SRGAP1: variants seen among roughly 807,000 people sequenced by gnomAD.
The protein encoded by SRGAP1 is SLIT-ROBO Rho GTPase activating protein 1.
Under a neutral mutation model 121.9 loss-of-function variants are expected in SRGAP1, and 43 were observed. That is an observed-to-expected ratio of 0.35 (90% CI 0.28 to 0.46). The LOEUF is 0.46. Among genes scored for constraint, SRGAP1 ranks in the 20% least tolerant of loss-of-function variants. The pLI, the probability that SRGAP1 is intolerant of heterozygous loss-of-function variation, is 1.00. For synonymous variants in SRGAP1, 447 were observed against 485.4 expected (o/e 0.92, Z 1.04); for missense variants, 1,102 against 1,350.9 (o/e 0.82, Z 2.89).
At chr12:64,058,343 A>T (rs2035382421) in intron 6 of SRGAP1, among the ~76,000 whole-genome samples, 1 of 152,306 alleles carries the variant, frequency 6.6e-6, no homozygotes, top group South Asian at 2.1e-4. Flanking sequence ...CCACTTAACA[A>T]CAGGTTTATT....
intron 4 of SRGAP1, among the ~76,000 whole-genome samples, chr12:64,039,409 T>G (rs943952301): frequency 6.6e-6 from 1 of 152,200 alleles, no homozygotes; most frequent in Non-Finnish European, 1.5e-5. Flanking sequence ...ATCCTTTCTC[T>G]CAGGCTTAGT....
chr12:63,984,178 T>TGAATTA, intron 2 of SRGAP1, 36 bp downstream of exon 2: 1 of 1,248,072 alleles, frequency 8.0e-7, no homozygotes, highest in Non-Finnish European at 1.1e-6. Context: ...TTTCCAAGGG[T>TGAATTA]GATATCCATA....
intron 1 of SRGAP1, among the ~76,000 whole-genome samples, chr12:63,874,789 G>C (rs1899975869): frequency 6.6e-6 from 1 of 151,990 alleles, no homozygotes; most frequent in Non-Finnish European, 1.5e-5. Flanking sequence ...AGCTTTTACT[G>C]TTGCTATGAT....
intron 21 of SRGAP1, among the ~76,000 whole-genome samples, chr12:64,140,054 A>G (rs2036931891): frequency 6.7e-6 from 1 of 149,730 alleles, no homozygotes; most frequent in African/African-American, 2.5e-5. Context: ...ACAGTTGTAG[A>G]TATGTGGCGT....
chr12:63,969,654 C>T (rs1258936643), intron 1 of SRGAP1, among the ~76,000 whole-genome samples: 3 of 151,864 alleles, frequency 2.0e-5, no homozygotes, highest in Admixed American at 6.6e-5. Context: ...ATTAGCCGGG[C>T]GTGGTGGTGG....
At chr12:63,879,589 C>CT (rs1435433354) in intron 1 of SRGAP1, 3 of 152,090 alleles carry the variant, frequency 2.0e-5, no homozygotes, top group African/African-American at 7.2e-5. Flanking sequence ...TCTTTGGGGA[C>CT]TGGTAATAAA....
intron 4 of SRGAP1, among the ~76,000 whole-genome samples, chr12:64,039,848 C>T (rs1056011083): frequency 1.3e-5 from 2 of 152,080 alleles, no homozygotes; most frequent in Non-Finnish European, 2.9e-5. Flanking sequence ...TGCTCAGCTG[C>T]TTCCTACTGC....
In SRGAP1 at chr12:63,847,321, T is replaced by TAATA. The variant is rs556185706; in HGVS notation, c.67+2457_67+2460dup. Among the ~76,000 whole-genome samples, 300 of 152,106 alleles carry TAATA rather than the reference T, an allele frequency of 2.0e-3. 2 individuals carry two copies. Among genetic ancestry groups the TAATA allele is most frequent in the African/African-American group, 7.0e-3 (290 of 41,476 alleles). ...CTGGGTGACAGAGTGAGACTCTGTC[T>TAATA]AATAAATAAATAAATAAATAAAGGT... On this transcript the variant is annotated intron_variant, in intron 1 of 21. Transcript: ENST00000355086.
chr12:63,965,665 A>G (rs991647750), intron 1 of SRGAP1, among the ~76,000 whole-genome samples: 6 of 152,172 alleles, frequency 3.9e-5, no homozygotes, highest in African/African-American at 1.4e-4. Flanking sequence ...TCATCTCTGC[A>G]AAAAATAAAT....
chr12:63,887,863 C>A (rs930603959), intron 1 of SRGAP1: 1 of 152,270 alleles, frequency 6.6e-6, no homozygotes, highest in Non-Finnish European at 1.5e-5. Flanking sequence ...GAACTTTCCT[C>A]TTCTTGTTCC....
chr12:63,918,054 A>AGGAT (rs2030869994), intron 1 of SRGAP1, among the ~76,000 whole-genome samples: 1 of 152,232 alleles, frequency 6.6e-6, no homozygotes, highest in African/African-American at 2.4e-5. Context: ...CAACAACTAT[A>AGGAT]GGATGCCCAA....
chr12:63,942,044 T>C (rs1194991257), intron 1 of SRGAP1, among the ~76,000 whole-genome samples: 1 of 152,114 alleles, frequency 6.6e-6, no homozygotes, highest in Non-Finnish European at 1.5e-5. Flanking sequence ...GGGAACTCCT[T>C]TGAAGGAAGA....
chr12:64,081,780 A>T (rs982647300), intron 10 of SRGAP1: 12 of 140,402 alleles, frequency 8.5e-5, no homozygotes, highest in African/African-American at 3.1e-4. Flanking sequence ...AAATGGTTCT[A>T]AAAAAAAAAA....
chr12:64,050,089 G>T (rs373967961), intron 6 of SRGAP1, among the ~76,000 whole-genome samples: 3 of 152,014 alleles, frequency 2.0e-5, no homozygotes, highest in African/African-American at 7.2e-5. Context: ...AGTTTTTATT[G>T]TAGAGATCTT....
intron 1 of SRGAP1, among the ~76,000 whole-genome samples, chr12:63,940,181 C>T (rs1207521982): frequency 6.6e-6 from 1 of 151,686 alleles, no homozygotes; most frequent in Non-Finnish European, 1.5e-5. Context: ...AGGCTGGTCT[C>T]GAACTCCTGA....
intron 1 of SRGAP1, among the ~76,000 whole-genome samples, chr12:63,933,671 A>G (rs1439043767): frequency 6.6e-6 from 1 of 152,232 alleles, no homozygotes; most frequent in Non-Finnish European, 1.5e-5. Context: ...TAAAAGAACT[A>G]TCTTTCTTTT....
At chr12:63,939,986 GTC>G (rs928073139) in intron 1 of SRGAP1, among the ~76,000 whole-genome samples, 2 of 151,178 alleles carry the variant, frequency 1.3e-5, no homozygotes, top group African/African-American at 2.4e-5. Context: ...TTGAGACAGA[GTC>G]TCTCTCTCTG....
chr12:64,047,722 A>AT (rs1302121588), intron 6 of SRGAP1, among the ~76,000 whole-genome samples: 1 of 152,192 alleles, frequency 6.6e-6, no homozygotes, highest in African/African-American at 2.4e-5. Flanking sequence ...AAATGGATCT[A>AT]TTGATACCAC....
chr12:63,850,522 C>T (rs1454169204), intron 1 of SRGAP1, among the ~76,000 whole-genome samples: 1 of 151,688 alleles, frequency 6.6e-6, no homozygotes, highest in African/African-American at 2.4e-5. Context: ...CCTTGACCTC[C>T]TGGGCTCAAG....
Sources: allele counts gnomAD v4.1 joint callset (sites outside exome capture counted in the v4.1 genomes callset), GRCh38; gene constraint gnomAD v4.1.1; transcripts MANE v1.5; gene names NCBI Gene and HGNC (gene_info 2026-07-23, HGNC 2026-07-21).